The following PLEKHM2 variants were observed in gnomAD, a reference collection of about 807,000 sequenced individuals.
PLEKHM2 encodes the protein pleckstrin homology domain-containing family M member 2.
Under a neutral mutation model 116.3 loss-of-function variants are expected in PLEKHM2, and 77 were observed. That is an observed-to-expected ratio of 0.66 (90% CI 0.55 to 0.80). The LOEUF (loss-of-function observed/expected upper bound fraction) is 0.80, where lower values mean the gene tolerates loss of function less well. PLEKHM2 is among the 30% of genes least tolerant of loss of function. The probability of loss-of-function intolerance (pLI) is 0.00; values close to 1 mark genes in which losing one functional copy is unlikely to be tolerated. For missense variants in PLEKHM2, 1,183 were observed against 1,354.9 expected (o/e 0.87, Z 1.99); for synonymous variants, 562 against 571.0 (o/e 0.98, Z 0.22).
chr1:15,706,246 C>A (rs901839325), intron 1 of PLEKHM2, among the ~76,000 whole-genome samples: 1 of 152,106 alleles, frequency 6.6e-6, no homozygotes, highest in African/African-American at 2.4e-5. Flanking sequence ...GCCTTCTTGA[C>A]CTCATCTCAT....
At chr1:15,701,113 C>CAAAAAA (rs35537871) in intron 1 of PLEKHM2, among the ~76,000 whole-genome samples, 30 of 81,762 alleles carry the variant, frequency 3.7e-4, no homozygotes, top group African/African-American at 6.8e-4. Flanking sequence ...AACTCTGTCT[C>CAAAAAA]AAAAAAAAAA....
intron 7 of PLEKHM2, among the ~76,000 whole-genome samples, chr1:15,724,428 A>G (rs1256258748): frequency 1.3e-5 from 2 of 151,596 alleles, no homozygotes; most frequent in African/African-American, 2.4e-5. Flanking sequence ...GGTTGTAGTG[A>G]GCCGGGCTCG....
intron 1 of PLEKHM2, among the ~76,000 whole-genome samples, chr1:15,702,152 T>C (rs1400169582): frequency 3.3e-4 from 50 of 152,180 alleles, no homozygotes; most frequent in Admixed American, 2.0e-4. Context: ...GCCCAACCAG[T>C]GACCATGCTG....
chr1:15,693,281 T>C (rs1640924595), intron 1 of PLEKHM2, among the ~76,000 whole-genome samples: 1 of 152,200 alleles, frequency 6.6e-6, no homozygotes, highest in African/African-American at 2.4e-5. Flanking sequence ...TCTCAAGTGA[T>C]CCGCCCGCCT....
chr1:15,705,691 CTG>C (rs966169827), intron 1 of PLEKHM2, among the ~76,000 whole-genome samples: 2 of 152,222 alleles, frequency 1.3e-5, no homozygotes, highest in Non-Finnish European at 2.9e-5. Flanking sequence ...GTCCTCTACA[CTG>C]TAGCCAGCTC....
At chr1:15,732,908 A>G (rs2068167180) in intron 19 of PLEKHM2, among the ~76,000 whole-genome samples, 180 bp downstream of exon 19, 1 of 152,152 alleles carries the variant, frequency 6.6e-6, no homozygotes, top group Admixed American at 6.6e-5. Context: ...CTCTTAAAAC[A>G]AACCCAGAAG....
At chr1:15,713,064 G>A (rs1456258873) in intron 1 of PLEKHM2, among the ~76,000 whole-genome samples, 1 of 152,174 alleles carries the variant, frequency 6.6e-6, no homozygotes, top group Non-Finnish European at 1.5e-5. Context: ...GCCTCCCAAA[G>A]TGCTGGGATT....
At chr1:15,732,285 TG>T (rs1418501710) in intron 17 of PLEKHM2, 64 bp from the exon 18 acceptor site, 2 of 1,328,430 alleles carry the variant, frequency 1.5e-6, no homozygotes, top group African/African-American at 1.5e-5. Flanking sequence ...TCCCCTGGAG[TG>T]TGGACTTCTG....
At position 15,732,001 on chromosome 1, in the gene PLEKHM2, G is replaced by A. The variant is rs770725489; in HGVS notation, c.2578G>A (p.Glu860Lys). The change falls in exon 17 of 20, where the codon GAG becomes AAG. Residue 860 changes from glutamate (E) to lysine (K), a missense_variant. Transcript: ENST00000375799. ...GGAGCTAAGTGCCGAGAGCGAGGCC[G>A]AGATGGCCGAGTGGATGCAGCATCT... is the stretch of plus-strand genomic sequence containing the variant. ...CLELSAESEA[E>K]MAEWMQHLCQ... 8.7e-6 allele frequency: 14 copies of A among 1,612,434 alleles called. No homozygotes were observed. Among genetic ancestry groups the A allele is most frequent in the East Asian group, 2.2e-5 (1 of 44,872 alleles).
At chr1:15,684,214 G>C (rs2148322893), upstream of PLEKHM2, 1 of 152,318 alleles carries the variant, frequency 6.6e-6, no homozygotes, top group Admixed American at 6.5e-5. Context: ...GGAGGGCCGC[G>C]GCCAAGGGTC....
At chr1:15,686,319 G>T (rs1349683364) in intron 1 of PLEKHM2, among the ~76,000 whole-genome samples, 1 of 152,182 alleles carries the variant, frequency 6.6e-6, no homozygotes, top group African/African-American at 2.4e-5. Flanking sequence ...ATTGTTAGGA[G>T]CATGGATTCT....
rs181412097 is a variant in PLEKHM2, at chr1:15,709,019, G to A, written c.61-7218G>A. Among the ~76,000 whole-genome samples, 23 of 152,256 alleles carry A rather than the reference G, an allele frequency of 1.5e-4. 1 individual carries two copies. Among genetic ancestry groups the A allele is most frequent in the Admixed American group, 1.4e-3 (21 of 15,288 alleles). Reference sequence around the variant, plus strand: ...AGCCCATTTTACAGACAAGGAAAACGAGTTTCGAGAGGTTAGGTAACTTGC... The same window carrying A: ...AGCCCATTTTACAGACAAGGAAAACAAGTTTCGAGAGGTTAGGTAACTTGC... On this transcript the variant is annotated intron_variant, in intron 1 of 19. Transcript: ENST00000375799.
chr1:15,692,030 T>G (rs918818198), intron 1 of PLEKHM2, among the ~76,000 whole-genome samples: 1 of 151,996 alleles, frequency 6.6e-6, no homozygotes, highest in Non-Finnish European at 1.5e-5. Flanking sequence ...GGAGGGTCAC[T>G]TGAGCCCAGA....
chr1:15,716,992 C>T (rs1273374593), intron 3 of PLEKHM2, among the ~76,000 whole-genome samples, 176 bp downstream of exon 3: 1 of 152,188 alleles, frequency 6.6e-6, no homozygotes, highest in Non-Finnish European at 1.5e-5. Flanking sequence ...GTGGCTCACA[C>T]CTGTAATCCC....
chr1:15,709,238 A>C (rs1316288122), intron 1 of PLEKHM2, among the ~76,000 whole-genome samples: 1 of 152,196 alleles, frequency 6.6e-6, no homozygotes, highest in African/African-American at 2.4e-5. Context: ...ATTTGGCATA[A>C]AAGATGAGGA....
chr1:15,706,121 C>T (rs749888417), intron 1 of PLEKHM2, among the ~76,000 whole-genome samples: 4 of 152,152 alleles, frequency 2.6e-5, no homozygotes, highest in Non-Finnish European at 5.9e-5. Flanking sequence ...GTAATAGTGA[C>T]ATCGAGTTAT....
At chr1:15,705,596 C>G (rs144945043) in intron 1 of PLEKHM2, among the ~76,000 whole-genome samples, 39 of 152,254 alleles carry the variant, frequency 2.6e-4, no homozygotes, top group African/African-American at 9.1e-4. Flanking sequence ...TTGCTGGCTC[C>G]TCCTTTTCCC....
Position 15,729,715 on chromosome 1 carries a change from G to A in PLEKHM2, c.2076-82G>A. 2 of 1,313,178 alleles carry A rather than the reference G, an allele frequency of 1.5e-6. No individual in the cohort carries two copies. The highest frequency in any genetic ancestry group is 2.1e-6 in the Non-Finnish European group (2 of 952,518). 81.3% of individuals were successfully genotyped at this position (1,313,178 alleles called of 1,614,324 possible). On this transcript the variant is annotated intron_variant, in intron 13 of 19. Coordinates refer to ENST00000375799, the MANE Select transcript of PLEKHM2 (RefSeq NM_015164.4). This position sits in a 1 kb window ranked among gnomAD's most constrained non-coding sequence, Gnocchi z 4.7. ...CCCCAAGTTTCTGTGACCCCTCCAGGCCAGCAGCGCTCAAGACTAAGCCCT... is the reference window on the plus strand; with the variant it reads ...CCCCAAGTTTCTGTGACCCCTCCAGACCAGCAGCGCTCAAGACTAAGCCCT...
chr1:15,702,874 C>T (rs994368066), intron 1 of PLEKHM2, among the ~76,000 whole-genome samples: 2 of 151,798 alleles, frequency 1.3e-5, no homozygotes, highest in Non-Finnish European at 2.9e-5. Flanking sequence ...GTATGCACCA[C>T]CACGCCCAGC....
Sources: gnomAD v4.1 joint callset for allele counts (sites outside exome capture counted in the v4.1 genomes callset) on GRCh38, gnomAD v4.1.1 for gene constraint, Gnocchi (gnomAD v3.1) non-coding constraint, MANE v1.5 for transcripts, NCBI Gene and HGNC (gene_info 2026-07-23, HGNC 2026-07-21) for gene names.